DAW1: variants seen among roughly 807,000 people sequenced by gnomAD.
DAW1 encodes dynein assembly factor with WD repeats 1.
A neutral mutation model predicts 56.5 loss-of-function variants in DAW1; 47 were observed. The ratio of observed to expected loss-of-function variants is 0.83; its 90% CI spans 0.66 to 1.06. The LOEUF is 1.06. DAW1 is among the 50% of genes least tolerant of loss of function. DAW1 has a pLI of 0.00. For synonymous variants in DAW1, 190 were observed against 179.0 expected, an observed-to-expected ratio of 1.06 and a Z score of -0.49; for missense variants, 505 against 499.3, an observed-to-expected ratio of 1.01 and a Z score of -0.11.
chr2:227,884,445 T>C (rs1017745644), intron 1 of DAW1, among the ~76,000 whole-genome samples: 2 of 152,216 alleles, frequency 1.3e-5, no homozygotes, highest in African/African-American at 4.8e-5. Context: ...CCTTCTAATT[T>C]GGCGAAATCT....
At chr2:227,883,718 C>A (rs1691061703) in intron 1 of DAW1, among the ~76,000 whole-genome samples, 1 of 152,118 alleles carries the variant, frequency 6.6e-6, no homozygotes, top group African/African-American at 2.4e-5. Context: ...AGATGAGAAT[C>A]CATTGTCTTA....
At chr2:227,879,079 C>T (rs898924418) in intron 1 of DAW1, among the ~76,000 whole-genome samples, 4 of 152,132 alleles carry the variant, frequency 2.6e-5, no homozygotes, top group African/African-American at 9.7e-5. Flanking sequence ...AGCCACCATG[C>T]CTGGCTTCTC....
At chr2:227,912,256 G>A (rs1340183484) in intron 10 of DAW1, 2 of 537,082 alleles carry the variant, frequency 3.7e-6, no homozygotes, top group Admixed American at 5.3e-5. Flanking sequence ...TCTTTGAGAT[G>A]GAGTCTCGCT....
At chr2:227,922,992 C>T (rs1013882347) in intron 12 of DAW1, among the ~76,000 whole-genome samples, 2 of 152,186 alleles carry the variant, frequency 1.3e-5, no homozygotes, top group African/African-American at 4.8e-5. Flanking sequence ...TGCAGTACTT[C>T]TTCCCTCAAC....
At chr2:227,882,597 T>C (rs1691035892) in intron 1 of DAW1, among the ~76,000 whole-genome samples, 1 of 152,242 alleles carries the variant, frequency 6.6e-6, no homozygotes, top group Admixed American at 6.5e-5. Context: ...ACTTCTGCTC[T>C]ACAGTGAAGT....
chr2:227,901,197 G>T (rs929710758), intron 6 of DAW1, among the ~76,000 whole-genome samples: 1 of 152,144 alleles, frequency 6.6e-6, no homozygotes, highest in Non-Finnish European at 1.5e-5. Flanking sequence ...GTAGAACTTG[G>T]TTACTAAGTA....
At chr2:227,896,111 A>T (rs1462075624) in intron 5 of DAW1, among the ~76,000 whole-genome samples, 1 of 152,188 alleles carries the variant, frequency 6.6e-6, no homozygotes, top group African/African-American at 2.4e-5. Context: ...TGGTACATTA[A>T]AGTGATTAAG....
chr2:227,873,993 G>A (rs958813354), intron 1 of DAW1, among the ~76,000 whole-genome samples: 8 of 152,116 alleles, frequency 5.3e-5, no homozygotes, highest in African/African-American at 1.4e-4. Context: ...GAGTATCTAC[G>A]AAATTTAAAT....
At position 227,921,419 on chromosome 2, in the gene DAW1, G is replaced by A. The variant is rs1156494455; in HGVS notation, c.1071G>A (p.Gly357=). ...TGCAGATTTCTTTCAACCCTCAAGGGAACCATCTTCTAACTGGCAGCTCTG... is the reference window on the plus strand; with the variant it reads ...TGCAGATTTCTTTCAACCCTCAAGGAAACCATCTTCTAACTGGCAGCTCTG... ...EISKISFNPQ[G]NHLLTGSSDK... The change falls in exon 12 of 13, where the codon GGG becomes GGA. Residue 357 remains glycine, a synonymous_variant. Transcript: ENST00000309931. 5.0e-6 allele frequency: 8 copies of A among 1,590,270 alleles called. No homozygotes were observed. Among genetic ancestry groups the A allele is most frequent in the Non-Finnish European group, 6.9e-6 (8 of 1,166,584 alleles).
At chr2:227,882,279 T>A (rs1691028900) in intron 1 of DAW1, among the ~76,000 whole-genome samples, 1 of 152,222 alleles carries the variant, frequency 6.6e-6, no homozygotes, top group Non-Finnish European at 1.5e-5. Context: ...CAATAAGATG[T>A]TACTTCCTTT....
chr2:227,872,438 A>T (rs1690779105), intron 1 of DAW1: 1 of 152,196 alleles, frequency 6.6e-6, no homozygotes, highest in African/African-American at 2.4e-5. Context: ...GAATAGCTTT[A>T]TGAGGGGTGG....
intron 1 of DAW1, 41 bp downstream of exon 1, chr2:227,871,770 T>C (rs1208595189): frequency 5.6e-6 from 9 of 1,611,912 alleles, no homozygotes; most frequent in Middle Eastern, 1.6e-4. Flanking sequence ...CGTGGGACCC[T>C]GGGCTCCCAG....
At chr2:227,916,880 T>A (rs2106214993) in intron 10 of DAW1, among the ~76,000 whole-genome samples, 1 of 152,160 alleles carries the variant, frequency 6.6e-6, no homozygotes, top group South Asian at 2.1e-4. Context: ...CTACTATACA[T>A]CTGGATCATC....
intron 1 of DAW1, among the ~76,000 whole-genome samples, chr2:227,876,041 A>T: frequency 6.7e-6 from 1 of 148,814 alleles, no homozygotes; most frequent in Non-Finnish European, 1.5e-5. Context: ...TTTGAGATGG[A>T]GTCTAGCTCT....
chr2:227,924,038 A>G lies in DAW1; in HGVS notation c.*70A>G. The G allele has an allele frequency of 6.4e-7, 1 of 1,551,458 alleles. No homozygotes were observed. The highest frequency in any genetic ancestry group is 8.9e-7 in the Non-Finnish European group (1 of 1,128,568). Reference sequence around the variant, plus strand: ...CAAGAACTGGAACTTCACAGACAGCAGCTCTCTTAATATTTCTTATACTTT... The same window carrying G: ...CAAGAACTGGAACTTCACAGACAGCGGCTCTCTTAATATTTCTTATACTTT... On this transcript the variant is annotated 3_prime_UTR_variant, in exon 13 of 13. Transcript: ENST00000309931.
intron 4 of DAW1, 25 bp downstream of exon 4, chr2:227,891,338 T>A: frequency 6.3e-7 from 1 of 1,592,070 alleles, no homozygotes; most frequent in East Asian, 2.2e-5. Flanking sequence ...TTATGTCTAA[T>A]TTTTAGCAGT....
chr2:227,885,960 C>T (rs1282942250), intron 2 of DAW1, among the ~76,000 whole-genome samples: 9 of 143,724 alleles, frequency 6.3e-5, no homozygotes, highest in Non-Finnish European at 1.4e-4. Context: ...ACCTTAATTT[C>T]TTTCTTTTTC....
At chr2:227,876,531 A>T (rs1006826591) in intron 1 of DAW1, 30 of 1,292,826 alleles carry the variant, frequency 2.3e-5, no homozygotes, top group Non-Finnish European at 3.0e-5. Context: ...AGATAGGAAA[A>T]ATTATTCCAC....
chr2:227,881,743 CTTTTTTTTTTTTTTTT>C (rs541800966), intron 1 of DAW1, among the ~76,000 whole-genome samples: 5 of 78,644 alleles, frequency 6.4e-5, no homozygotes, highest in Middle Eastern at 9.1e-3. Flanking sequence ...CTGCCACATT[CTTTTTTTTTTTTTTTT>C]TTTTTTTTTT....
Sources: gnomAD v4.1 joint callset for allele counts (sites outside exome capture counted in the v4.1 genomes callset) on GRCh38, gnomAD v4.1.1 for gene constraint, MANE v1.5 for transcripts, NCBI Gene and HGNC (gene_info 2026-07-23, HGNC 2026-07-21) for gene names.